The following TMEM108 variants were observed in gnomAD, a reference collection of about 807,000 sequenced individuals.
TMEM108 encodes cancer/testis antigen 124.
In TMEM108, 12 loss-of-function variants were observed where a neutral mutation model predicts 35.1. That is an observed-to-expected ratio of 0.34 (90% CI 0.22 to 0.55). The LOEUF (loss-of-function observed/expected upper bound fraction) is 0.55. Ranked by LOEUF, TMEM108 falls within the 20% of genes least tolerant of loss-of-function variation. TMEM108 has a pLI of 0.89. For synonymous variants in TMEM108, 287 were observed against 308.6 expected, an observed-to-expected ratio of 0.93 and a Z score of 0.73; for missense variants, 680 against 753.3, an observed-to-expected ratio of 0.90 and a Z score of 1.14.
intron 3 of TMEM108, among the ~76,000 whole-genome samples, chr3:133,235,908 C>T (rs568928684): frequency 1.3e-5 from 2 of 152,188 alleles, no homozygotes; most frequent in African/African-American, 2.4e-5. Flanking sequence ...AGGTAAAGAG[C>T]GTCATCACAA....
chr3:133,116,926 C>T (rs1002760612), intron 2 of TMEM108, among the ~76,000 whole-genome samples: 1 of 152,134 alleles, frequency 6.6e-6, no homozygotes, highest in Non-Finnish European at 1.5e-5. Context: ...TGCACTACCA[C>T]ACCTGGCTAA....
chr3:133,268,174 G>T (rs1406682637), intron 3 of TMEM108, among the ~76,000 whole-genome samples: 1 of 152,230 alleles, frequency 6.6e-6, no homozygotes, highest in Non-Finnish European at 1.5e-5. Context: ...GAGAATTGAT[G>T]ATGTCAGATT....
At chr3:133,038,808 C>T (rs749289259) in intron 1 of TMEM108, among the ~76,000 whole-genome samples, 1 of 152,188 alleles carries the variant, frequency 6.6e-6, no homozygotes, top group African/African-American at 2.4e-5. Flanking sequence ...GGCTTTAATG[C>T]AGGGGGACCT....
At chr3:133,075,788 G>A (rs1021751359) in intron 2 of TMEM108, among the ~76,000 whole-genome samples, 1 of 152,046 alleles carries the variant, frequency 6.6e-6, no homozygotes, top group South Asian at 2.1e-4. Context: ...CCCATCCTGT[G>A]TTTTGTTGCT....
At chr3:133,360,007 T>TA (rs59374214) in intron 3 of TMEM108, among the ~76,000 whole-genome samples, 55,996 of 112,618 alleles carry the variant, frequency 0.5, 13,495 homozygotes, top group East Asian at 0.81. Context: ...ACTCAACAGT[T>TA]AAAAAAAAAA....
intron 3 of TMEM108, among the ~76,000 whole-genome samples, chr3:133,362,928 T>C (rs567993503): frequency 9.2e-5 from 14 of 152,282 alleles, no homozygotes; most frequent in Admixed American, 6.5e-4. Flanking sequence ...TGGCTCTCTT[T>C]AGATTAAAAA....
chr3:133,111,015 G>A (rs1279960909), intron 2 of TMEM108, among the ~76,000 whole-genome samples: 4 of 152,272 alleles, frequency 2.6e-5, no homozygotes, highest in Middle Eastern at 3.4e-3. Flanking sequence ...CTTTCACTCT[G>A]TTGACCCAGC....
rs77933645 is a variant in TMEM108, at chr3:133,109,993, A to G, written c.-47+63973A>G. Among the ~76,000 whole-genome samples, 669 of 152,276 alleles carry G rather than the reference A, an allele frequency of 4.4e-3. 12 individuals are homozygous for G. Among genetic ancestry groups the G allele is most frequent in the East Asian group, 0.031 (161 of 5,176 alleles). On this transcript the variant is annotated intron_variant, in intron 2 of 5. Transcript: ENST00000321871. ...AAGTACAGACAGGGCCCCCTTCTGG[A>G]ACCCTTACAGGATAACTGAAATCCA...
At chr3:133,300,754 T>C (rs1237563201) in intron 3 of TMEM108, among the ~76,000 whole-genome samples, 1 of 151,938 alleles carries the variant, frequency 6.6e-6, no homozygotes, top group Non-Finnish European at 1.5e-5. Context: ...TGAGGGATAG[T>C]GTCCTGGACT....
intron 3 of TMEM108, chr3:133,247,313 G>T (rs972596136): frequency 1.2e-4 from 19 of 152,132 alleles, no homozygotes; most frequent in African/African-American, 4.3e-4. Flanking sequence ...TTGTTCACTT[G>T]TGCTTCCATT....
At chr3:133,393,465 T>C (rs2073263108) in intron 5 of TMEM108, among the ~76,000 whole-genome samples, 1 of 152,210 alleles carries the variant, frequency 6.6e-6, no homozygotes, top group Non-Finnish European at 1.5e-5. Context: ...GGTAGGTTCT[T>C]AGTAAATGTT....
At chr3:133,290,620 G>GA (rs974006220) in intron 3 of TMEM108, among the ~76,000 whole-genome samples, 516 of 143,006 alleles carry the variant, frequency 3.6e-3, no homozygotes, top group African/African-American at 0.01. Flanking sequence ...AACTGCATCT[G>GA]AAAAAAAAAA....
At position 133,164,000 on chromosome 3, in the gene TMEM108, G is replaced by A. The variant is rs115997328; in HGVS notation, c.-46-65266G>A. On this transcript the variant is annotated intron_variant, in intron 2 of 5. Transcript: ENST00000321871. ...CGAGCTAGGATCTTGCCTATTTCTA[G>A]TTGCCCTTACCTAGGTTTCCATTTT... is the stretch of plus-strand genomic sequence containing the variant. Among the ~76,000 whole-genome samples, 650 of 152,194 alleles carry A rather than the reference G, an allele frequency of 4.3e-3. 1 individual carries two copies. Among genetic ancestry groups the A allele is most frequent in the Non-Finnish European group, 7.6e-3 (514 of 68,008 alleles).
At chr3:133,272,643 T>TA (rs1393884118) in intron 3 of TMEM108, among the ~76,000 whole-genome samples, 1 of 152,126 alleles carries the variant, frequency 6.6e-6, no homozygotes, top group Non-Finnish European at 1.5e-5. Context: ...GAGCAAGCAT[T>TA]ACACTAGGGG....
chr3:133,314,986 CTG>C (rs1360608396), intron 3 of TMEM108, among the ~76,000 whole-genome samples: 2 of 152,312 alleles, frequency 1.3e-5, no homozygotes, highest in African/African-American at 4.8e-5. Flanking sequence ...CATCCACTGA[CTG>C]TATAATCTCA....
chr3:133,169,847 T>G (rs1422441475), intron 2 of TMEM108, among the ~76,000 whole-genome samples: 1 of 151,930 alleles, frequency 6.6e-6, no homozygotes. Flanking sequence ...TTAGCCCCAA[T>G]GAGTAAAAAC....
At chr3:133,292,228 T>C (rs1015749924) in intron 3 of TMEM108, among the ~76,000 whole-genome samples, 1 of 152,200 alleles carries the variant, frequency 6.6e-6, no homozygotes, top group Admixed American at 6.5e-5. Flanking sequence ...GAAATATGTG[T>C]GGCAAGTTCA....
chr3:133,078,140 A>AGTGTGTGTGTGTGTGTGTGTGT (rs745912251), intron 2 of TMEM108, among the ~76,000 whole-genome samples: 2,166 of 106,082 alleles, frequency 0.02, 35 homozygotes, highest in Non-Finnish European at 0.028. Context: ...TATGGAGCTC[A>AGTGTGTGTGTGTGTGTGTGTGT]GTGTGTGTGT....
intron 2 of TMEM108, among the ~76,000 whole-genome samples, chr3:133,177,147 C>A (rs996454016): frequency 3.3e-5 from 5 of 152,218 alleles, no homozygotes; most frequent in African/African-American, 1.2e-4. Context: ...AGACCAATAA[C>A]AGGCTCTGAA....
Sources: gnomAD v4.1 joint callset for allele counts (sites outside exome capture counted in the v4.1 genomes callset) on GRCh38, gnomAD v4.1.1 for gene constraint, MANE v1.5 for transcripts, NCBI Gene and HGNC (gene_info 2026-07-23, HGNC 2026-07-21) for gene names.